Variants in IRAK1BP1 observed in about 807,000 individuals in gnomAD.
The protein encoded by IRAK1BP1 is interleukin-1 receptor-associated kinase 1-binding protein 1.
A neutral mutation model predicts 28.0 loss-of-function variants in IRAK1BP1; 24 were observed. That is an observed-to-expected ratio of 0.86 (90% CI 0.62 to 1.20). The LOEUF is 1.20. IRAK1BP1 is among the 50% of genes most tolerant of loss of function. IRAK1BP1 has a pLI of 0.00. For synonymous variants in IRAK1BP1, 131 were observed against 116.3 expected, an observed-to-expected ratio of 1.13 and a Z score of -0.81; for missense variants, 336 against 316.7, an observed-to-expected ratio of 1.06 and a Z score of -0.46.
chr6:78,925,511 T>G (rs553149758), intron 4 of IRAK1BP1, among the ~76,000 whole-genome samples: 2 of 152,124 alleles, frequency 1.3e-5, no homozygotes, highest in South Asian at 4.1e-4. Context: ...AGTGGAACAG[T>G]TCCTGTTAAA....
At chr6:78,965,612 A>G in the IRAK1BP1 span, 1 of 738,434 alleles carries the variant, frequency 1.4e-6, no homozygotes, top group Non-Finnish European at 2.4e-6. Context: ...GATACTCACA[A>G]CTGTAAGTGG....
chr6:78,905,638 G>A (rs1455832954), downstream of IRAK1BP1, among the ~76,000 whole-genome samples: 1 of 152,148 alleles, frequency 6.6e-6, no homozygotes, highest in Admixed American at 6.5e-5. Context: ...ATCTTGCTCT[G>A]TTGCCCAGGC....
intron 4 of IRAK1BP1, among the ~76,000 whole-genome samples, chr6:78,910,512 T>C (rs74499201): frequency 3.3e-4 from 50 of 152,380 alleles, no homozygotes; most frequent in African/African-American, 1.2e-3. Flanking sequence ...AAACAATAGT[T>C]ACTGTTTGAC....
the IRAK1BP1 span, among the ~76,000 whole-genome samples, chr6:78,953,684 A>G: frequency 6.6e-6 from 1 of 152,136 alleles, no homozygotes; most frequent in Non-Finnish European, 1.5e-5. Flanking sequence ...TCATTTTCTG[A>G]TATTTATCTG....
At chr6:78,874,276 G>T (rs1334220020) in intron 1 of IRAK1BP1, among the ~76,000 whole-genome samples, 2 of 152,130 alleles carry the variant, frequency 1.3e-5, no homozygotes, top group African/African-American at 4.8e-5. Context: ...TAATCCTATA[G>T]CAAATCAGAT....
intron 2 of IRAK1BP1, among the ~76,000 whole-genome samples, chr6:78,894,015 A>G (rs1771791983): frequency 6.6e-6 from 1 of 152,246 alleles, no homozygotes; most frequent in East Asian, 1.9e-4. Context: ...AGGGAAGAAC[A>G]GAAGTACAGT....
intron 4 of IRAK1BP1, among the ~76,000 whole-genome samples, chr6:78,942,769 A>G (rs139139365): frequency 6.6e-6 from 1 of 152,326 alleles, no homozygotes; most frequent in Non-Finnish European, 1.5e-5. Context: ...ACTACAGAAG[A>G]TAGGCTTTAA....
At chr6:78,976,118 C>G in the IRAK1BP1 span, among the ~76,000 whole-genome samples, 1 of 150,240 alleles carries the variant, frequency 6.7e-6, no homozygotes, top group Non-Finnish European at 1.5e-5. Context: ...TACCTGACTT[C>G]AAACTATACT....
chr6:78,882,657 CAAAG>C (rs1464180895), intron 1 of IRAK1BP1, among the ~76,000 whole-genome samples: 2 of 152,080 alleles, frequency 1.3e-5, no homozygotes, highest in Non-Finnish European at 2.9e-5. Context: ...TCATGAAAAA[CAAAG>C]GAAGACTGAG....
chr6:78,873,681 G>T (rs1467071580), intron 1 of IRAK1BP1, among the ~76,000 whole-genome samples: 1 of 152,010 alleles, frequency 6.6e-6, no homozygotes, highest in African/African-American at 2.4e-5. Flanking sequence ...ATGTTGTCCA[G>T]GCTGGTCTCA....
intron 4 of IRAK1BP1, chr6:78,940,726 A>T: frequency 6.2e-7 from 1 of 1,611,650 alleles, no homozygotes; most frequent in South Asian, 1.1e-5. Context: ...TTGCTTTTTC[A>T]GTCAACTTTC....
chr6:78,909,075 A>C (rs979037709), intron 4 of IRAK1BP1, among the ~76,000 whole-genome samples: 1 of 152,220 alleles, frequency 6.6e-6, no homozygotes, highest in African/African-American at 2.4e-5. Context: ...GATAAGAGGG[A>C]AAAGTGTATA....
the IRAK1BP1 span, among the ~76,000 whole-genome samples, chr6:78,952,725 G>A: frequency 6.6e-6 from 1 of 152,064 alleles, no homozygotes; most frequent in East Asian, 1.9e-4. Flanking sequence ...TTCATTTCCA[G>A]GATTCTATTT....
At chr6:78,910,002 G>A (rs951154125) in intron 4 of IRAK1BP1, among the ~76,000 whole-genome samples, 2 of 152,114 alleles carry the variant, frequency 1.3e-5, no homozygotes, top group Admixed American at 6.5e-5. Flanking sequence ...AGTTCAGGTG[G>A]GTCACAAACA....
At position 78,901,684 on chromosome 6, in the gene IRAK1BP1, T is replaced by C. The variant is rs1043564222; in HGVS notation, c.*3350T>C. 1 of 152,200 alleles carries C rather than the reference T, an allele frequency of 6.6e-6. No individual in the cohort carries two copies. The highest frequency in any genetic ancestry group is 1.5e-5 in the Non-Finnish European group (1 of 68,008). The allele number at this position is 152,200 out of a possible 1,614,324, so 9.4% of individuals were successfully genotyped here. The stretch of plus-strand genomic sequence containing the variant: ...AATGCTATTAAAATAAGATTTCATA[T>C]ATTACTGATAATTCATAATGAATTT... On this transcript the variant is annotated 3_prime_UTR_variant, in exon 4 of 4. Coordinates refer to ENST00000369940, the MANE Select transcript of IRAK1BP1 (RefSeq NM_001010844.4).
At chr6:78,910,962 C>G (rs1161667837) in intron 4 of IRAK1BP1, among the ~76,000 whole-genome samples, 1 of 152,256 alleles carries the variant, frequency 6.6e-6, no homozygotes, top group East Asian at 1.9e-4. Flanking sequence ...TGGACGAAAT[C>G]TACCGCGGTC....
chr6:78,912,967 G>T (rs907717449), intron 4 of IRAK1BP1, among the ~76,000 whole-genome samples: 2 of 152,132 alleles, frequency 1.3e-5, no homozygotes, highest in African/African-American at 4.8e-5. Flanking sequence ...GGATCTATAA[G>T]CATATATATG....
intron 1 of IRAK1BP1, among the ~76,000 whole-genome samples, chr6:78,869,492 C>G (rs1403270842): frequency 6.6e-6 from 1 of 152,170 alleles, no homozygotes; most frequent in Non-Finnish European, 1.5e-5. Context: ...TGCACTCCAG[C>G]TTGGGTGACA....
chr6:78,903,342 T>A (rs1489888534), downstream of IRAK1BP1, among the ~76,000 whole-genome samples: 2 of 150,612 alleles, frequency 1.3e-5, no homozygotes, highest in African/African-American at 4.9e-5. Context: ...AAAAAAAAAA[T>A]TAGCTGGGTG....
Sources: gnomAD v4.1 joint callset for allele counts (sites outside exome capture counted in the v4.1 genomes callset) on GRCh38, gnomAD v4.1.1 for gene constraint, MANE v1.5 for transcripts, NCBI Gene and HGNC (gene_info 2026-07-23, HGNC 2026-07-21) for gene names.